SSBP3: variants seen among roughly 807,000 people sequenced by gnomAD.
SSBP3 encodes single stranded DNA binding protein 3.
SSBP3 carries 5 observed loss-of-function variants against 69.6 expected under a neutral mutation model. The observed-to-expected ratio is 0.07, with a 90% CI of 0.04 to 0.15. SSBP3 has a LOEUF of 0.15. SSBP3 is among the 10% of genes least tolerant of loss of function. The pLI, the probability that SSBP3 is intolerant of heterozygous loss-of-function variation, is 1.00. For synonymous variants in SSBP3, 196 were observed against 193.4 expected, an observed-to-expected ratio of 1.01 and a Z score of -0.11; for missense variants, 312 against 534.0, an observed-to-expected ratio of 0.58 and a Z score of 4.10.
intron 4 of SSBP3, among the ~76,000 whole-genome samples, chr1:54,309,343 G>A (rs927577538): frequency 6.6e-6 from 1 of 152,260 alleles, no homozygotes; most frequent in East Asian, 1.9e-4. Flanking sequence ...ATACTGAGTC[G>A]GGCCAGCCCA....
intron 5 of SSBP3, among the ~76,000 whole-genome samples, chr1:54,260,046 G>A (rs1644991582): frequency 6.6e-6 from 1 of 152,184 alleles, no homozygotes; most frequent in Non-Finnish European, 1.5e-5. Context: ...CTAATTAACA[G>A]TACAGGGAAG....
At chr1:54,328,128 A>T (rs994086729) in intron 4 of SSBP3, among the ~76,000 whole-genome samples, 2 of 152,044 alleles carry the variant, frequency 1.3e-5, no homozygotes, top group Non-Finnish European at 2.9e-5. Flanking sequence ...TTGACCTCGT[A>T]CCCAGGCAGA....
chr1:54,297,511 ATC>A (rs1396992847), intron 4 of SSBP3, among the ~76,000 whole-genome samples: 5 of 152,144 alleles, frequency 3.3e-5, no homozygotes, highest in Non-Finnish European at 7.3e-5. Flanking sequence ...CCTGCCTGTA[ATC>A]TCAGCTCCTT....
At chr1:54,387,800 A>AC (rs1648198034) in intron 4 of SSBP3, among the ~76,000 whole-genome samples, 1 of 152,154 alleles carries the variant, frequency 6.6e-6, no homozygotes, top group African/African-American at 2.4e-5. Flanking sequence ...CATGACCCCA[A>AC]CTTCAGAGTG....
At chr1:54,411,841 G>A (rs1360840191) in intron 1 of SSBP3, among the ~76,000 whole-genome samples, 2 of 149,218 alleles carry the variant, frequency 1.3e-5, no homozygotes, top group Non-Finnish European at 3.0e-5. Context: ...GCAGTGAGCC[G>A]AGATGGCGTC....
chr1:54,354,616 C>T (rs12145654), intron 4 of SSBP3, among the ~76,000 whole-genome samples: 19,125 of 152,122 alleles, frequency 0.13, 1,278 homozygotes, highest in African/African-American at 0.16. Context: ...AGCTTACAAC[C>T]GAGATGGGGA....
intron 4 of SSBP3, among the ~76,000 whole-genome samples, chr1:54,374,880 A>T (rs546464978): frequency 6.6e-6 from 1 of 152,322 alleles, no homozygotes; most frequent in African/African-American, 2.4e-5. Flanking sequence ...AAAAGGTCAT[A>T]CAGCCGAAGC....
Position 54,258,109 on chromosome 1 carries a change from G to T in SSBP3, c.407C>A (p.Pro136Gln). 1 of 1,599,836 alleles carries T rather than the reference G, an allele frequency of 6.3e-7. No individual in the cohort carries two copies. The highest frequency in any genetic ancestry group is 8.5e-7 in the Non-Finnish European group (1 of 1,174,500). The change falls in exon 6 of 18, where the codon CCA becomes CAA. Residue 136 changes from proline (P) to glutamine (Q), a missense_variant. Pro to Gln is a moderately conservative substitution (Grantham distance 76). Transcript: ENST00000610401. This position sits in a 1 kb window ranked among gnomAD's most constrained non-coding sequence, Gnocchi z 4.5. ...CATCATGCTGCTAGGATTGTGAGGT[G>T]GAGGCTGTGCGTGCGGCGAGGGCTG...
chr1:54,356,193 G>A (rs571365524), intron 4 of SSBP3, among the ~76,000 whole-genome samples: 4 of 152,266 alleles, frequency 2.6e-5, no homozygotes, highest in South Asian at 2.1e-4. Context: ...AGAGGGTAGC[G>A]TGCAGATGAG....
At chr1:54,245,079 T>C (rs1365396532) in intron 9 of SSBP3, among the ~76,000 whole-genome samples, 9 of 152,218 alleles carry the variant, frequency 5.9e-5, no homozygotes, top group Admixed American at 5.9e-4. Context: ...AAGAAGGGAA[T>C]GCATGAAGAC....
chr1:54,392,754 G>C (rs1027224969), intron 4 of SSBP3, among the ~76,000 whole-genome samples: 8 of 152,208 alleles, frequency 5.3e-5, no homozygotes, highest in Non-Finnish European at 1.2e-4. Context: ...TAGGCCCCAG[G>C]AATGGGGTGG....
At chr1:54,242,028 C>G in intron 11 of SSBP3, 136 bp downstream of exon 11, 1 of 1,036,440 alleles carries the variant, frequency 9.6e-7, no homozygotes, top group African/African-American at 1.6e-5. Context: ...CTCCACACGG[C>G]CTTCTCCCTA....
At chr1:54,321,570 G>A (rs1646214678) in intron 4 of SSBP3, among the ~76,000 whole-genome samples, 1 of 152,384 alleles carries the variant, frequency 6.6e-6, no homozygotes, top group African/African-American at 2.4e-5. Flanking sequence ...GGCCTGGGAA[G>A]GCCTTAACCT....
chr1:54,266,393 T>C (rs970441134), intron 5 of SSBP3, among the ~76,000 whole-genome samples: 4 of 152,210 alleles, frequency 2.6e-5, no homozygotes, highest in Admixed American at 1.3e-4. Flanking sequence ...TAAAGTTTTA[T>C]TGGAACACAG....
chr1:54,365,060 G>A (rs1279381254), intron 4 of SSBP3, among the ~76,000 whole-genome samples: 3 of 152,156 alleles, frequency 2.0e-5, no homozygotes, highest in Non-Finnish European at 4.4e-5. Context: ...GAGGGAAGAG[G>A]GGCTGAGAAG....
At chr1:54,241,408 A>T (rs1385471933) in intron 12 of SSBP3, 66 bp downstream of exon 12, 1 of 1,556,028 alleles carries the variant, frequency 6.4e-7, no homozygotes, top group Non-Finnish European at 8.9e-7. Context: ...GGGACCCCAG[A>T]CCAGTTCTCT....
intron 4 of SSBP3, among the ~76,000 whole-genome samples, chr1:54,391,975 C>T (rs1648532446): frequency 6.6e-6 from 1 of 151,794 alleles, no homozygotes; most frequent in African/African-American, 2.4e-5. Context: ...GCCTAGAGAG[C>T]CACATGGACT....
chr1:54,280,841 C>T (rs1246240397), intron 5 of SSBP3, among the ~76,000 whole-genome samples: 2 of 152,150 alleles, frequency 1.3e-5, no homozygotes, highest in African/African-American at 2.4e-5. Context: ...TCTCGACCCA[C>T]GTGGGATCTG....
intron 4 of SSBP3, among the ~76,000 whole-genome samples, chr1:54,332,573 A>C (rs918427818): frequency 6.6e-6 from 1 of 152,114 alleles, no homozygotes; most frequent in Non-Finnish European, 1.5e-5. Context: ...GCTTTGGCCC[A>C]CATTTGCTAG....
Sources: gnomAD v4.1 joint callset for allele counts (sites outside exome capture counted in the v4.1 genomes callset) on GRCh38, gnomAD v4.1.1 for gene constraint, Gnocchi (gnomAD v3.1) non-coding constraint, MANE v1.5 for transcripts, NCBI Gene and HGNC (gene_info 2026-07-23, HGNC 2026-07-21) for gene names.